Variants in DCC observed in about 807,000 individuals in gnomAD.
DCC encodes DCC netrin 1 receptor.
DCC carries 58 observed loss-of-function variants against 172.5 expected under a neutral mutation model. The ratio of observed to expected loss-of-function variants is 0.34; its 90% CI spans 0.27 to 0.42. The LOEUF (loss-of-function observed/expected upper bound fraction) is 0.42. Ranked by LOEUF, DCC falls within the 10% of genes least tolerant of loss-of-function variation. DCC has a pLI of 1.00. For missense variants in DCC, 1,740 were observed against 1,791.0 expected, an observed-to-expected ratio of 0.97 and a Z score of 0.51; for synonymous variants, 709 against 644.5, an observed-to-expected ratio of 1.10 and a Z score of -1.52.
chr18:52,548,224 A>G (rs749132189), intron 1 of DCC, among the ~76,000 whole-genome samples: 58 of 152,150 alleles, frequency 3.8e-4, no homozygotes, highest in Non-Finnish European at 6.8e-4. Context: ...TTCCATGATT[A>G]TGCAGGCAAC....
chr18:53,231,247 A>C (rs1329550538), intron 12 of DCC, among the ~76,000 whole-genome samples: 1 of 152,100 alleles, frequency 6.6e-6, no homozygotes, highest in East Asian at 1.9e-4. Context: ...CTGTCACATC[A>C]GATTCGGTTC....
intron 1 of DCC, among the ~76,000 whole-genome samples, chr18:52,554,565 A>G (rs927024879): frequency 6.6e-6 from 1 of 152,142 alleles, no homozygotes; most frequent in African/African-American, 2.4e-5. Context: ...TGAAAAATCA[A>G]TGATTGGGGA....
intron 9 of DCC, among the ~76,000 whole-genome samples, chr18:53,187,471 A>G (rs967124919): frequency 3.3e-5 from 5 of 152,142 alleles, no homozygotes; most frequent in Non-Finnish European, 7.3e-5. Flanking sequence ...TTCATTGTGT[A>G]ATTAATGCAT....
At chr18:52,486,559 C>T (rs78447859) in intron 1 of DCC, among the ~76,000 whole-genome samples, 3,080 of 152,188 alleles carry the variant, frequency 0.02, 91 homozygotes, top group African/African-American at 0.069. Flanking sequence ...CTCTTTTAAT[C>T]AACAAAGATG....
At chr18:52,664,360 C>T (rs193172901) in intron 1 of DCC, among the ~76,000 whole-genome samples, 115 of 151,276 alleles carry the variant, frequency 7.6e-4, no homozygotes, top group African/African-American at 2.6e-3. Context: ...ACTTTTGCTA[C>T]ATTTTTTTAA....
chr18:53,257,776 A>G (rs966547223), intron 12 of DCC, among the ~76,000 whole-genome samples: 1 of 152,204 alleles, frequency 6.6e-6, no homozygotes, highest in Non-Finnish European at 1.5e-5. Context: ...GAATAATTTC[A>G]GAAGGAATGG....
At chr18:53,472,966 C>T (rs2045716357) in intron 25 of DCC, among the ~76,000 whole-genome samples, 1 of 152,210 alleles carries the variant, frequency 6.6e-6, no homozygotes, top group Non-Finnish European at 1.5e-5. Flanking sequence ...CATTGCTGAT[C>T]CACAAATATG....
At chr18:53,367,969 G>A (rs985396810) in intron 15 of DCC, among the ~76,000 whole-genome samples, 2 of 152,072 alleles carry the variant, frequency 1.3e-5, no homozygotes, top group Non-Finnish European at 2.9e-5. Context: ...AGATCATATG[G>A]TAATTCTATT....
chr18:52,757,594 G>A (rs1439516523), intron 2 of DCC, among the ~76,000 whole-genome samples: 1 of 151,950 alleles, frequency 6.6e-6, no homozygotes, highest in Non-Finnish European at 1.5e-5. Context: ...TTATACTTCT[G>A]GGGATGGCGT....
intron 5 of DCC, among the ~76,000 whole-genome samples, chr18:52,989,220 A>T (rs1450033665): frequency 1.3e-5 from 2 of 152,082 alleles, no homozygotes; most frequent in South Asian, 2.1e-4. Context: ...TAAAAAATAT[A>T]TTTTATAAGA....
chr18:53,252,836 C>T (rs935629632), intron 12 of DCC, among the ~76,000 whole-genome samples: 19 of 151,892 alleles, frequency 1.3e-4, no homozygotes, highest in Non-Finnish European at 2.4e-4. Flanking sequence ...ATTTTCAAAA[C>T]AATTTATGGA....
At chr18:53,328,874 T>C (rs1479496071) in intron 14 of DCC, among the ~76,000 whole-genome samples, 1 of 152,186 alleles carries the variant, frequency 6.6e-6, no homozygotes, top group Non-Finnish European at 1.5e-5. Flanking sequence ...TGGCCATGAC[T>C]GCAGTTCTTT....
At chr18:52,942,831 C>T (rs1363283805) in intron 5 of DCC, among the ~76,000 whole-genome samples, 4 of 152,100 alleles carry the variant, frequency 2.6e-5, no homozygotes, top group African/African-American at 9.7e-5. Flanking sequence ...AATATTTTGC[C>T]TTTTCCAAGG....
Position 53,414,124 on chromosome 18 carries a change from G to C in DCC, c.3131-2000G>C, listed in dbSNP as rs1910154973. Among the ~76,000 whole-genome samples, 5 of 152,122 alleles carry C rather than the reference G, an allele frequency of 3.3e-5. No individual in the cohort carries two copies. The South Asian group carries it at 8.3e-4, about 25-fold the overall frequency. Reference sequence around the variant, plus strand: ...TAAACTGTGGTGATTAAATTAAATGGCTGGTAAACCTTTAAAAATGTTTGT... The same window carrying C: ...TAAACTGTGGTGATTAAATTAAATGCCTGGTAAACCTTTAAAAATGTTTGT... On this transcript the variant is annotated intron_variant, in intron 20 of 28. Coordinates refer to ENST00000442544, the MANE Select transcript of DCC (RefSeq NM_005215.4).
intron 15 of DCC, among the ~76,000 whole-genome samples, chr18:53,357,324 C>A (rs750510556): frequency 7.9e-5 from 12 of 151,994 alleles, no homozygotes; most frequent in Admixed American, 7.9e-4. Flanking sequence ...GAGAAATGAA[C>A]CTTTATAACT....
intron 5 of DCC, among the ~76,000 whole-genome samples, chr18:53,051,334 C>A (rs1012973381): frequency 1.4e-4 from 22 of 152,120 alleles, no homozygotes; most frequent in African/African-American, 5.3e-4. Flanking sequence ...TCTCATTCCT[C>A]CTCTCATTTG....
intron 1 of DCC, among the ~76,000 whole-genome samples, chr18:52,558,644 G>C (rs1021807638): frequency 6.6e-6 from 1 of 152,118 alleles, no homozygotes; most frequent in Non-Finnish European, 1.5e-5. Context: ...ATGTAGTGGG[G>C]TCTCCTATTA....
At chr18:52,488,774 T>G (rs571578226) in intron 1 of DCC, among the ~76,000 whole-genome samples, 1 of 152,254 alleles carries the variant, frequency 6.6e-6, no homozygotes, top group Admixed American at 6.5e-5. Flanking sequence ...TCTATAAGAC[T>G]GTTTTATTAA....
At chr18:52,383,820 C>T (rs1040502571) in intron 1 of DCC, among the ~76,000 whole-genome samples, 11 of 151,950 alleles carry the variant, frequency 7.2e-5, no homozygotes, top group South Asian at 4.1e-4. Context: ...AATCAGTCAA[C>T]GGGCTTCTAT....
Sources: gnomAD v4.1 joint callset for allele counts (sites outside exome capture counted in the v4.1 genomes callset) on GRCh38, gnomAD v4.1.1 for gene constraint, MANE v1.5 for transcripts, NCBI Gene and HGNC (gene_info 2026-07-23, HGNC 2026-07-21) for gene names.